USP49: variants seen among roughly 807,000 people sequenced by gnomAD.
The protein encoded by USP49 is ubiquitin specific peptidase 49.
USP49 carries 24 observed loss-of-function variants against 58.6 expected under a neutral mutation model. The ratio of observed to expected loss-of-function variants is 0.41; its 90% CI spans 0.30 to 0.58. USP49 has a LOEUF of 0.58. Ranked by LOEUF, USP49 falls within the 20% of genes least tolerant of loss-of-function variation. The pLI, the probability that USP49 is intolerant of heterozygous loss-of-function variation, is 0.30. For synonymous variants in USP49, 408 were observed against 365.1 expected (o/e 1.12, Z -1.34); for missense variants, 703 against 866.1 (o/e 0.81, Z 2.36).
Position 41,806,978 on chromosome 6 carries a change from A to G in USP49, c.6T>C (p.Asp2=). The G allele has an allele frequency of 6.4e-7, 1 of 1,566,740 alleles. No homozygotes were observed. Among genetic ancestry groups the G allele is most frequent in the Non-Finnish European group, 8.7e-7 (1 of 1,149,564 alleles). ...GTAACCGCCCTACATGTTTGCATCT[A>G]TCCATGTCTTATAGAAGTCGCCACT... M[D]RCKHVGRLRL... The change falls in exon 4 of 8, where the codon GAT becomes GAC. Residue 2 remains aspartate, a synonymous_variant. Transcript: ENST00000682992. This position sits in a 1 kb window ranked among gnomAD's most constrained non-coding sequence, Gnocchi z 5.9.
intron 3 of USP49, among the ~76,000 whole-genome samples, chr6:41,816,189 T>G (rs1773347176): frequency 6.6e-6 from 1 of 152,208 alleles, no homozygotes; most frequent in African/African-American, 2.4e-5. Flanking sequence ...CAGACAAGTT[T>G]GCCCTGCCTC....
At chr6:41,825,651 A>T (rs1480480818) in intron 3 of USP49, among the ~76,000 whole-genome samples, 1 of 152,250 alleles carries the variant, frequency 6.6e-6, no homozygotes, top group Non-Finnish European at 1.5e-5. Context: ...GATACAAATA[A>T]CTAGAAAAGT....
Position 41,798,770 on chromosome 6 carries a change from C to T in USP49, c.1830G>A (p.Gly610=), listed in dbSNP as rs1343879734. ...LSAVVMHHGK[G]FGSGHYTAYC... Reference sequence around the variant, plus strand: ...AGGCTGTGTAGTGTCCTGAGCCAAACCCTTTCCCGTGATGCATGACCACTG... The same window carrying T: ...AGGCTGTGTAGTGTCCTGAGCCAAATCCTTTCCCGTGATGCATGACCACTG... The change falls in exon 7 of 8, where the codon GGG becomes GGA. Residue 610 remains glycine, a synonymous_variant. Transcript: ENST00000682992. The T allele has an allele frequency of 6.2e-7, 1 of 1,613,950 alleles. No homozygotes were observed. The highest frequency in any genetic ancestry group is 1.3e-5 in the African/African-American group (1 of 74,880).
chr6:41,868,302 T>A (rs187452016), intron 3 of USP49, among the ~76,000 whole-genome samples: 107 of 152,274 alleles, frequency 7.0e-4, no homozygotes, highest in Middle Eastern at 6.8e-3. Flanking sequence ...TAGTAAATGT[T>A]AACTTCTGTA....
chr6:41,853,514 G>A (rs1281381229), intron 3 of USP49, among the ~76,000 whole-genome samples: 6 of 151,866 alleles, frequency 4.0e-5, no homozygotes, highest in Non-Finnish European at 8.8e-5. Context: ...GAAAATGAAG[G>A]GTTTAAGATG....
At chr6:41,838,584 C>A (rs1773767117) in intron 3 of USP49, among the ~76,000 whole-genome samples, 1 of 152,210 alleles carries the variant, frequency 6.6e-6, no homozygotes, top group Non-Finnish European at 1.5e-5. Context: ...AGCACCACAT[C>A]AAGGGATCAC....
At chr6:41,853,835 A>T (rs1171316400) in intron 3 of USP49, among the ~76,000 whole-genome samples, 3 of 85,502 alleles carry the variant, frequency 3.5e-5, no homozygotes, top group Admixed American at 3.1e-4. Context: ...CGTCTCTACT[A>T]AAAAAAATAC....
intron 2 of USP49, among the ~76,000 whole-genome samples, chr6:41,874,701 G>A (rs1372189496): frequency 3.3e-5 from 5 of 152,112 alleles, no homozygotes; most frequent in Admixed American, 2.6e-4. Flanking sequence ...AGTAGCTTAC[G>A]TCTGTAATCC....
At chr6:41,828,847 A>C (rs893125682) in intron 3 of USP49, among the ~76,000 whole-genome samples, 3 of 151,116 alleles carry the variant, frequency 2.0e-5, no homozygotes, top group Non-Finnish European at 4.4e-5. Context: ...TTGTCAATAC[A>C]TCTGGATTTT....
intron 3 of USP49, among the ~76,000 whole-genome samples, chr6:41,843,587 C>G (rs767185669): frequency 3.3e-5 from 5 of 152,002 alleles, no homozygotes; most frequent in Non-Finnish European, 7.4e-5. Flanking sequence ...TCAGGCCCAA[C>G]CGGGGTAACA....
At position 41,796,504 on chromosome 6, in the gene USP49, A is replaced by G. The variant is rs1418387579; in HGVS notation, c.*29T>C. 1 of 714,788 alleles carries G rather than the reference A, an allele frequency of 1.4e-6. No homozygotes were observed. The highest frequency in any genetic ancestry group is 2.0e-5 in the Admixed American group (1 of 49,820). The allele number at this position is 714,788 out of a possible 1,614,324, so 44.3% of individuals were successfully genotyped here. On this transcript the variant is annotated 3_prime_UTR_variant, in exon 8 of 8. Coordinates refer to ENST00000682992, the MANE Select transcript of USP49 (RefSeq NM_001286554.2). ...AAAGATGTATGGACACCAATACACA[A>G]AAGCCAGTCTTTGATACATGCCTCC...
In USP49 at chr6:41,806,046, G is replaced by A. The variant is rs770114914; in HGVS notation, c.938C>T (p.Thr313Met). 1.9e-6 allele frequency: 3 copies of A among 1,614,004 alleles called. No individual in the cohort carries two copies. Among genetic ancestry groups the A allele is most frequent in the South Asian group, 2.2e-5 (2 of 91,084 alleles). The change falls in exon 4 of 8, where the codon ACG (threonine) becomes ATG (methionine). Residue 313 changes from threonine to methionine, a missense_variant. Physicochemically the swap from Thr to Met is moderately conservative, Grantham distance 81 (BLOSUM62 -1). Around this residue, in one of 6 missense-constraint regions of USP49, gnomAD observed 97 missense variants for 88.0 expected, o/e 1.10. Transcript: ENST00000682992. The surrounding 1 kb of genome is among the most constrained non-coding windows in gnomAD (Gnocchi z 5.9). ...CCTGTCATTTCTCAAGGACAGCTCC[G>A]TGGCCGAGCTGTTGGTTGGCTTGCC... ...LSGKPTNSSATELSLRNDRAE... is the reference protein window; with the variant it reads ...LSGKPTNSSAMELSLRNDRAE...
intron 3 of USP49, among the ~76,000 whole-genome samples, chr6:41,845,741 AT>A (rs1773911560): frequency 6.9e-6 from 1 of 145,516 alleles, no homozygotes; most frequent in South Asian, 2.1e-4. Flanking sequence ...CCTTTAAATA[AT>A]TTTTTAAATA....
intron 2 of USP49, among the ~76,000 whole-genome samples, chr6:41,880,209 T>G (rs1348209318): frequency 3.3e-5 from 5 of 151,256 alleles, no homozygotes; most frequent in African/African-American, 9.7e-5. Context: ...GGTCTTAAGA[T>G]GAAGTTCAAG....
chr6:41,796,997 T>TG (rs1458788369), intron 7 of USP49, among the ~76,000 whole-genome samples: 1 of 144,882 alleles, frequency 6.9e-6, no homozygotes, highest in African/African-American at 2.6e-5. Flanking sequence ...TCACCCAGGC[T>TG]GGAGTGCAGT....
At chr6:41,817,167 T>TTTTTTTTTTTTTTTTTTTA (rs60908132) in intron 3 of USP49, among the ~76,000 whole-genome samples, 1 of 135,538 alleles carries the variant, frequency 7.4e-6, no homozygotes, top group African/African-American at 3.0e-5. Flanking sequence ...TTTTTTTTTT[T>TTTTTTTTTTTTTTTTTTTA]GAGACAGAGT....
intron 2 of USP49, among the ~76,000 whole-genome samples, chr6:41,877,061 C>T (rs1281833451): frequency 6.6e-6 from 1 of 152,238 alleles, no homozygotes; most frequent in East Asian, 1.9e-4. Flanking sequence ...TAACATTTCA[C>T]ATTTCAGTGC....
intron 5 of USP49, among the ~76,000 whole-genome samples, chr6:41,802,479 A>ATTTTT (rs11323812): frequency 1.3e-5 from 1 of 79,816 alleles, no homozygotes; most frequent in African/African-American, 5.1e-5. Context: ...TTTTTTATTT[A>ATTTTT]TTTTTTTTTT....
At chr6:41,881,526 A>G (rs970573870) in intron 2 of USP49, among the ~76,000 whole-genome samples, 1 of 152,072 alleles carries the variant, frequency 6.6e-6, no homozygotes, top group Non-Finnish European at 1.5e-5. Context: ...AAGGGGAAAA[A>G]GAAACTAAAG....
Sources: gnomAD v4.1 joint callset for allele counts (sites outside exome capture counted in the v4.1 genomes callset) on GRCh38, gnomAD v4.1.1 for gene constraint, gnomAD v4.1.1 regional missense constraint, Gnocchi (gnomAD v3.1) non-coding constraint, MANE v1.5 for transcripts, NCBI Gene and HGNC (gene_info 2026-07-23, HGNC 2026-07-21) for gene names.